The following PTPRD variants were observed in gnomAD, a reference collection of about 807,000 sequenced individuals.
The protein encoded by PTPRD is receptor-type tyrosine-protein phosphatase delta.
A neutral mutation model predicts 214.5 loss-of-function variants in PTPRD; 34 were observed. The observed-to-expected ratio is 0.16, with a 90% confidence interval of 0.12 to 0.21. The LOEUF is 0.21. Among genes scored for constraint, PTPRD ranks in the 10% least tolerant of loss-of-function variants. PTPRD has a pLI of 1.00. For synonymous variants in PTPRD, 1,128 were observed against 845.7 expected (o/e 1.33, Z -5.79); for missense variants, 2,545 against 2,398.7 (o/e 1.06, Z -1.27).
At chr9:10,248,168 C>G (rs2092377140) in intron 3 of PTPRD, among the ~76,000 whole-genome samples, 1 of 152,022 alleles carries the variant, frequency 6.6e-6, no homozygotes, top group Non-Finnish European at 1.5e-5. Context: ...TCAGGTATGT[C>G]TTTATCAGCA....
intron 10 of PTPRD, among the ~76,000 whole-genome samples, chr9:9,085,417 C>A (rs2099765610): frequency 6.6e-6 from 1 of 152,116 alleles, no homozygotes; most frequent in Admixed American, 6.6e-5. Context: ...GCGAATAGTG[C>A]ATATGTAAGC....
At chr9:9,633,093 G>A (rs1031101825) in intron 7 of PTPRD, among the ~76,000 whole-genome samples, 4 of 152,042 alleles carry the variant, frequency 2.6e-5, no homozygotes, top group Non-Finnish European at 5.9e-5. Context: ...TCAGGAGTTC[G>A]AGACCATCCT....
At chr9:10,014,294 C>A (rs765110791) in intron 4 of PTPRD, among the ~76,000 whole-genome samples, 3 of 151,968 alleles carry the variant, frequency 2.0e-5, no homozygotes, top group Admixed American at 6.6e-5. Flanking sequence ...AGCTGCAATT[C>A]CCATTCAGGT....
At chr9:9,933,619 A>G (rs1439478864) in intron 5 of PTPRD, among the ~76,000 whole-genome samples, 1 of 150,512 alleles carries the variant, frequency 6.6e-6, no homozygotes, top group Non-Finnish European at 1.5e-5. Context: ...ACTCCCACAC[A>G]TTAATAATGG....
chr9:10,022,775 C>T (rs1244517441), intron 4 of PTPRD, among the ~76,000 whole-genome samples: 2 of 152,054 alleles, frequency 1.3e-5, no homozygotes, highest in South Asian at 4.1e-4. Flanking sequence ...AAAGGGGAGC[C>T]AAAATGCTGA....
chr9:9,337,565 G>C (rs2045047227), intron 9 of PTPRD, among the ~76,000 whole-genome samples: 1 of 152,128 alleles, frequency 6.6e-6, no homozygotes, highest in South Asian at 2.1e-4. Flanking sequence ...TCTAGTCTCT[G>C]AGAATTTGCT....
At chr9:8,780,676 G>C (rs1445190003) in intron 11 of PTPRD, among the ~76,000 whole-genome samples, 2 of 152,200 alleles carry the variant, frequency 1.3e-5, no homozygotes, top group African/African-American at 2.4e-5. Context: ...GGCAAGGCCT[G>C]AGAATCTACC....
chr9:10,215,744 G>A (rs995287149), intron 3 of PTPRD, among the ~76,000 whole-genome samples: 1 of 151,968 alleles, frequency 6.6e-6, no homozygotes, highest in Non-Finnish European at 1.5e-5. Context: ...CAATCCAGTT[G>A]TCTGTCAAAA....
intron 11 of PTPRD, among the ~76,000 whole-genome samples, chr9:8,820,295 G>C (rs1215567360): frequency 6.6e-6 from 1 of 152,124 alleles, no homozygotes; most frequent in Non-Finnish European, 1.5e-5. Context: ...AGCTAGTTAA[G>C]TGGCAGAGCT....
intron 10 of PTPRD, among the ~76,000 whole-genome samples, chr9:9,037,739 T>C (rs904135930): frequency 6.6e-6 from 1 of 152,134 alleles, no homozygotes; most frequent in African/African-American, 2.4e-5. Context: ...CCACAGATCA[T>C]CATAGGATTA....
In PTPRD at chr9:9,095,127, A is replaced by T. The variant is rs190006238; in HGVS notation, c.-142-76392T>A. Among the ~76,000 whole-genome samples, 109 of 152,244 alleles carry T rather than the reference A, an allele frequency of 7.2e-4. 1 individual carries two copies. In the East Asian group the frequency reaches 0.018, roughly 25 times the overall value. Reference sequence around the variant, plus strand: ...CTAATAGGTGGTAATTATATATATTAAAAAAACCCTATAGCTAATTTCACA... The same window carrying T: ...CTAATAGGTGGTAATTATATATATTTAAAAAACCCTATAGCTAATTTCACA... On this transcript the variant is annotated intron_variant, in intron 10 of 45. Coordinates refer to ENST00000381196, the MANE Select transcript of PTPRD (RefSeq NM_002839.4).
rs1324491187 is a variant in PTPRD, at chr9:8,436,660, A to G, written c.4018T>C (p.Leu1340=). Residue 1340 remains leucine, a synonymous_variant, in exon 35 of 46, where the codon TTG becomes CTG. Coordinates refer to ENST00000381196, the MANE Select transcript of PTPRD (RefSeq NM_002839.4). ...GMASHPPIPI[L]ELADHIERLK... is the part of the protein sequence containing the mutation. Reference sequence around the variant, plus strand: ...CTTTCAATGTGGTCTGCAAGTTCCAAGATGGGTATTGGAGGATGGCTAGCC... The same window carrying G: ...CTTTCAATGTGGTCTGCAAGTTCCAGGATGGGTATTGGAGGATGGCTAGCC... 1 of 1,613,404 alleles carries G rather than the reference A, an allele frequency of 6.2e-7. No individual in the cohort carries two copies. Among genetic ancestry groups the G allele is most frequent in the African/African-American group, 1.3e-5 (1 of 74,922 alleles).
At chr9:9,886,162 G>A (rs1249064142) in intron 5 of PTPRD, among the ~76,000 whole-genome samples, 1 of 152,040 alleles carries the variant, frequency 6.6e-6, no homozygotes, top group Non-Finnish European at 1.5e-5. Context: ...AGAGACATCA[G>A]AGGACAACTC....
At chr9:10,561,023 T>G (rs138281791) in intron 2 of PTPRD, among the ~76,000 whole-genome samples, 3 of 152,208 alleles carry the variant, frequency 2.0e-5, no homozygotes, top group African/African-American at 7.2e-5. Flanking sequence ...TATTTCGTAG[T>G]GAGCCTAAAG....
intron 3 of PTPRD, among the ~76,000 whole-genome samples, chr9:10,336,555 T>A (rs2096846875): frequency 6.6e-6 from 1 of 151,252 alleles, no homozygotes; most frequent in Non-Finnish European, 1.5e-5. Context: ...TACCAATAGA[T>A]CCAGAAAAAG....
intron 5 of PTPRD, among the ~76,000 whole-genome samples, chr9:9,793,995 G>C (rs1008229120): frequency 6.6e-6 from 1 of 151,944 alleles, no homozygotes; most frequent in African/African-American, 2.4e-5. Flanking sequence ...GACTTAATCT[G>C]ATTCCACCAA....
chr9:8,359,575 C>T (rs2077936734), intron 39 of PTPRD, among the ~76,000 whole-genome samples: 1 of 152,098 alleles, frequency 6.6e-6, no homozygotes, highest in African/African-American at 2.4e-5. Flanking sequence ...CTCAAGTACT[C>T]CACCTGCCTC....
intron 3 of PTPRD, among the ~76,000 whole-genome samples, chr9:10,282,000 A>C (rs1334181584): frequency 6.6e-6 from 1 of 151,958 alleles, no homozygotes; most frequent in Non-Finnish European, 1.5e-5. Flanking sequence ...AAAAAAAAAA[A>C]AGGTGCAAAG....
At chr9:9,091,509 C>G (rs1412107942) in intron 10 of PTPRD, among the ~76,000 whole-genome samples, 3 of 152,096 alleles carry the variant, frequency 2.0e-5, no homozygotes, top group Non-Finnish European at 2.9e-5. Flanking sequence ...GACATTTGTC[C>G]TACAGCAATT....
Sources: allele counts gnomAD v4.1 joint callset (sites outside exome capture counted in the v4.1 genomes callset), GRCh38; gene constraint gnomAD v4.1.1; transcripts MANE v1.5; gene names NCBI Gene and HGNC (gene_info 2026-07-23, HGNC 2026-07-21).